SSX2IP: variants seen among roughly 807,000 people sequenced by gnomAD.
The protein encoded by SSX2IP is afadin- and alpha-actinin-binding protein.
A neutral mutation model predicts 84.9 loss-of-function variants in SSX2IP; 55 were observed. That is an observed-to-expected ratio of 0.65 (90% CI 0.52 to 0.81). The LOEUF is 0.81. SSX2IP is among the 30% of genes least tolerant of loss of function. The probability of loss-of-function intolerance (pLI) is 0.00; values close to 1 mark genes in which losing one functional copy is unlikely to be tolerated. For missense variants in SSX2IP, 664 were observed against 705.2 expected (o/e 0.94, Z 0.66); for synonymous variants, 239 against 234.7 (o/e 1.02, Z -0.17).
chr1:84,656,284 G>C, intron 10 of SSX2IP, 64 bp downstream of exon 10: 2 of 1,508,970 alleles, frequency 1.3e-6, no homozygotes, highest in Non-Finnish European at 1.8e-6. Flanking sequence ...ATACAAATCT[G>C]GTAAGGTTCA....
chr1:84,671,333 T>C, intron 1 of SSX2IP, 25 bp from the exon 2 acceptor site: 1 of 1,470,618 alleles, frequency 6.8e-7, no homozygotes, highest in Non-Finnish European at 9.0e-7. Flanking sequence ...TATAGAATAA[T>C]AGCATCTAAT....
chr1:84,655,935 T>C lies in SSX2IP; in HGVS notation c.1286A>G (p.Lys429Arg), dbSNP rs762899685. The change falls in exon 11 of 14, where the codon AAG (lysine) becomes AGG (arginine). Residue 429 changes from lysine (K) to arginine (R), a missense_variant. Transcript: ENST00000342203. Reference protein sequence around the residue: ...LLRDCYLLEEKERLKEEWSLF... With the variant: ...LLRDCYLLEERERLKEEWSLF... ...GGACCATTCTTCTTTGAGACGTTCC[T>C]TTTCTTCCAACAAATAACAGTCTCG... 1.9e-6 allele frequency: 3 copies of C among 1,613,758 alleles called. No individual in the cohort carries two copies. Among genetic ancestry groups the C allele is most frequent in the African/African-American group, 1.3e-5 (1 of 74,922 alleles).
At position 84,646,934 on chromosome 1, in the gene SSX2IP, T is replaced by A. The variant is rs1649524297; in HGVS notation, c.*499A>T. On this transcript the variant is annotated 3_prime_UTR_variant, in exon 14 of 14. Coordinates refer to ENST00000342203, the MANE Select transcript of SSX2IP (RefSeq NM_001166293.2). Reference sequence around the variant, plus strand: ...AAGCCTCTTAACATAATCATGTGTATCTATGTACAAAACATACATAAATTT... The same window carrying A: ...AAGCCTCTTAACATAATCATGTGTAACTATGTACAAAACATACATAAATTT... 6.6e-6 allele frequency: 1 copy of A among 152,606 alleles called. No individual in the cohort carries two copies. The highest frequency in any genetic ancestry group is 1.5e-5 in the Non-Finnish European group (1 of 67,996). 9.5% of individuals were successfully genotyped at this position (152,606 alleles called of 1,614,324 possible). A position where few individuals can be genotyped will look rare whatever the true frequency, so the allele number is the denominator to read the frequency against.
At position 84,662,500 on chromosome 1, in the gene SSX2IP, G is replaced by C. The variant is rs1251379275; in HGVS notation, c.704C>G (p.Ala235Gly). 2.5e-6 allele frequency: 4 copies of C among 1,613,872 alleles called. No homozygotes were observed. Among genetic ancestry groups the C allele is most frequent in the African/African-American group, 2.7e-5 (2 of 75,020 alleles). ...AMDILNYVGRADGKRGSWRTG... is the reference protein window; with the variant it reads ...AMDILNYVGRGDGKRGSWRTG... ...CCTCCAGGAGCCTCTTTTTCCATCA[G>C]CTCTCCCGACATAATTCAAAATGTC... is the stretch of plus-strand genomic sequence containing the variant. The change falls in exon 7 of 14, where the codon GCT becomes GGT. Residue 235 changes from alanine (A) to glycine (G), a missense_variant. Coordinates refer to ENST00000342203, the MANE Select transcript of SSX2IP (RefSeq NM_001166293.2).
intron 3 of SSX2IP, chr1:84,670,301 G>A (rs1182269234): frequency 1.1e-5 from 2 of 178,254 alleles, no homozygotes; most frequent in Non-Finnish European, 2.3e-5. Context: ...TTAAGAAAAT[G>A]GTCAATATCC....
Position 84,671,188 on chromosome 1 carries a change from C to G in SSX2IP, c.32G>C (p.Gly11Ala). Reference protein sequence around the residue: MGDWMTVTDPGLSSESKTISQ... With the variant: MGDWMTVTDPALSSESKTISQ... ...TTAGACTTAATTACCTGAAGACAGA[C>G]CTGGATCTGTAACAGTCATCCAATC... is the stretch of plus-strand genomic sequence containing the variant. The change falls in exon 2 of 14, where the codon GGT becomes GCT. Residue 11 changes from glycine to alanine, a missense_variant. Transcript: ENST00000342203. 2 of 1,611,476 alleles carry G rather than the reference C, an allele frequency of 1.2e-6. No homozygotes were observed. The highest frequency in any genetic ancestry group is 1.7e-6 in the Non-Finnish European group (2 of 1,178,700).
At chr1:84,687,250 T>C (rs956919373) in intron 1 of SSX2IP, among the ~76,000 whole-genome samples, 1 of 152,208 alleles carries the variant, frequency 6.6e-6, no homozygotes, top group Non-Finnish European at 1.5e-5. Context: ...GAAAAGGATA[T>C]GTGTGAAGCA....
chr1:84,650,316 T>C (rs767484040), intron 13 of SSX2IP, 46 bp downstream of exon 13: 59 of 1,604,990 alleles, frequency 3.7e-5, no homozygotes, highest in Non-Finnish European at 4.7e-5. Flanking sequence ...AGTGCAACTT[T>C]AGCAATTTTT....
At chr1:84,661,445 C>A (rs1034295030) in intron 8 of SSX2IP, among the ~76,000 whole-genome samples, 1 of 150,424 alleles carries the variant, frequency 6.6e-6, no homozygotes, top group African/African-American at 2.5e-5. Flanking sequence ...TACTTATTTT[C>A]TAAGAAGCAG....
intron 3 of SSX2IP, 135 bp downstream of exon 3, chr1:84,670,511 G>A (rs1653417571): frequency 5.3e-6 from 3 of 568,586 alleles, no homozygotes; most frequent in Admixed American, 7.1e-5. Flanking sequence ...AATCACCAAG[G>A]TTCTCTGAAA....
At chr1:84,677,529 T>G (rs1006236863) in intron 1 of SSX2IP, among the ~76,000 whole-genome samples, 1 of 152,174 alleles carries the variant, frequency 6.6e-6, no homozygotes, top group Non-Finnish European at 1.5e-5. Flanking sequence ...GGACACGCTC[T>G]TGGGTTATTC....
intron 1 of SSX2IP, among the ~76,000 whole-genome samples, chr1:84,683,833 G>C (rs1432295487): frequency 6.6e-6 from 1 of 152,182 alleles, no homozygotes; most frequent in Non-Finnish European, 1.5e-5. Context: ...TATGAATCAA[G>C]AGCATGGCAA....
At position 84,662,250 on chromosome 1, in the gene SSX2IP, A is replaced by G; in HGVS notation, c.875T>C (p.Leu292Pro). The change falls in exon 8 of 14, where the codon CTT (leucine) becomes CCT (proline). Residue 292 changes from leucine to proline, a missense_variant. Coordinates refer to ENST00000342203, the MANE Select transcript of SSX2IP (RefSeq NM_001166293.2). The stretch of plus-strand genomic sequence containing the variant: ...TCTAGGTTTCTTCTTTTGGGGAGAA[A>G]GAAGAGAAATCATTTCCTTTTTCAT... ...QQMKKEMISL[L>P]SPQKKKPRER... is the part of the protein sequence containing the mutation. The G allele has an allele frequency of 1.2e-6, 2 of 1,608,290 alleles. No individual in the cohort carries two copies. The highest frequency in any genetic ancestry group is 4.5e-5 in the East Asian group (2 of 44,810).
chr1:84,647,171 C>T lies in SSX2IP; in HGVS notation c.*262G>A, dbSNP rs758331693. The T allele has an allele frequency of 5.7e-5, 16 of 279,464 alleles. No homozygotes were observed. Among genetic ancestry groups the T allele is most frequent in the Non-Finnish European group, 9.9e-5 (15 of 151,696 alleles). 17.3% of individuals were successfully genotyped at this position (279,464 alleles called of 1,614,324 possible). On this transcript the variant is annotated 3_prime_UTR_variant, in exon 14 of 14. Coordinates refer to ENST00000342203, the MANE Select transcript of SSX2IP (RefSeq NM_001166293.2). ...CTATAAGAGGAAACTCAGTCTAGTG[C>T]TTTTGTTTCCATCCAAACATCTATA...
chr1:84,673,808 AAGAC>A (rs1034498847), intron 1 of SSX2IP, among the ~76,000 whole-genome samples: 3 of 152,214 alleles, frequency 2.0e-5, no homozygotes, highest in African/African-American at 2.4e-5. Context: ...AATATATACT[AAGAC>A]AGATGATGTT....
At chr1:84,661,783 T>A (rs1652016986) in intron 8 of SSX2IP, among the ~76,000 whole-genome samples, 1 of 152,202 alleles carries the variant, frequency 6.6e-6, no homozygotes, top group African/African-American at 2.4e-5. Context: ...GTGAGAAACT[T>A]GGATTCAAAT....
At chr1:84,656,530 T>TA in intron 9 of SSX2IP, 46 bp from the exon 10 acceptor site, 1 of 1,565,714 alleles carries the variant, frequency 6.4e-7, no homozygotes, top group South Asian at 1.2e-5. Flanking sequence ...AGCCACCACT[T>TA]AGTTTACAGT....
intron 1 of SSX2IP, among the ~76,000 whole-genome samples, chr1:84,678,877 T>G (rs1262888075): frequency 6.6e-6 from 1 of 152,178 alleles, no homozygotes; most frequent in Non-Finnish European, 1.5e-5. Flanking sequence ...AAGGTACAAT[T>G]GCCTACCTAC....
At chr1:84,647,695 T>A in intron 13 of SSX2IP, 88 bp from the exon 14 acceptor site, 1 of 1,032,246 alleles carries the variant, frequency 9.7e-7, no homozygotes, top group East Asian at 3.2e-5. Flanking sequence ...TCAAAAAAAA[T>A]AAGTTCCTTT....
Sources: allele counts gnomAD v4.1 joint callset (sites outside exome capture counted in the v4.1 genomes callset), GRCh38; gene constraint gnomAD v4.1.1; transcripts MANE v1.5; gene names NCBI Gene and HGNC (gene_info 2026-07-23, HGNC 2026-07-21).